The following PTPRR variants were observed in gnomAD, a reference collection of about 807,000 sequenced individuals.
PTPRR encodes receptor-type tyrosine-protein phosphatase R.
PTPRR carries 38 observed loss-of-function variants against 77.2 expected under a neutral mutation model. That is an observed-to-expected ratio of 0.49 (90% CI 0.38 to 0.65). PTPRR has a LOEUF of 0.65. PTPRR is among the 30% of genes least tolerant of loss of function. The pLI, the probability that PTPRR is intolerant of heterozygous loss-of-function variation, is 0.00. For missense variants in PTPRR, 744 were observed against 799.2 expected, an observed-to-expected ratio of 0.93 and a Z score of 0.83; for synonymous variants, 299 against 283.1, an observed-to-expected ratio of 1.06 and a Z score of -0.57.
At chr12:70,783,218 C>G (rs1214982855) in intron 2 of PTPRR, among the ~76,000 whole-genome samples, 1 of 152,130 alleles carries the variant, frequency 6.6e-6, no homozygotes, top group Non-Finnish European at 1.5e-5. Flanking sequence ...AGAGGAGACC[C>G]ACTGTTGATA....
chr12:70,785,373 T>C (rs750876895), intron 2 of PTPRR, among the ~76,000 whole-genome samples: 2 of 152,196 alleles, frequency 1.3e-5, no homozygotes, highest in African/African-American at 2.4e-5. Flanking sequence ...TCTTAATTAG[T>C]GTCCCCTTTC....
chr12:70,892,128 G>A (rs1009728307), intron 2 of PTPRR, among the ~76,000 whole-genome samples: 12 of 151,976 alleles, frequency 7.9e-5, no homozygotes, highest in African/African-American at 2.9e-4. Context: ...TATTAATAAA[G>A]AATGGTTATT....
At chr12:70,723,881 G>A (rs890300211) in intron 6 of PTPRR, among the ~76,000 whole-genome samples, 11 of 151,984 alleles carry the variant, frequency 7.2e-5, no homozygotes, top group African/African-American at 2.4e-4. Flanking sequence ...AACTTGTTAA[G>A]CACCTAAATA....
chr12:70,905,342 A>G (rs922058350), intron 1 of PTPRR, among the ~76,000 whole-genome samples: 4 of 151,844 alleles, frequency 2.6e-5, no homozygotes, highest in African/African-American at 7.2e-5. Flanking sequence ...AGTTATTGTA[A>G]AGAAAGTTGA....
chr12:70,727,793 C>A (rs1250234796), intron 6 of PTPRR, among the ~76,000 whole-genome samples: 1 of 152,200 alleles, frequency 6.6e-6, no homozygotes, highest in African/African-American at 2.4e-5. Flanking sequence ...ACTTGAACAT[C>A]ACATGATCTA....
intron 2 of PTPRR, among the ~76,000 whole-genome samples, chr12:70,843,808 ATTTTTTT>A (rs201003875): frequency 0.13 from 16,052 of 124,648 alleles, 1,684 homozygotes; most frequent in African/African-American, 0.31. Flanking sequence ...GTTGCTGAAA[ATTTTTTT>A]TTTTTTTTTT....
At chr12:70,672,649 C>A in intron 10 of PTPRR, 1 of 1,540,596 alleles carries the variant, frequency 6.5e-7, no homozygotes, top group Non-Finnish European at 8.8e-7. Context: ...GGAAGTGGTC[C>A]AGAGCAACAA....
chr12:70,644,977 C>T (rs1886143657), intron 13 of PTPRR, among the ~76,000 whole-genome samples: 1 of 152,120 alleles, frequency 6.6e-6, no homozygotes, highest in South Asian at 2.1e-4. Flanking sequence ...GCTTTTCTCA[C>T]TTGTAAAATG....
chr12:70,859,137 G>A (rs893791940), intron 2 of PTPRR, among the ~76,000 whole-genome samples: 4 of 151,868 alleles, frequency 2.6e-5, no homozygotes, highest in African/African-American at 7.3e-5. Flanking sequence ...ATTAGCCTTC[G>A]TGAATTCTTT....
chr12:70,651,201 C>T (rs976359519), intron 13 of PTPRR, among the ~76,000 whole-genome samples: 5 of 152,154 alleles, frequency 3.3e-5, no homozygotes, highest in African/African-American at 1.2e-4. Flanking sequence ...TTCAATTTCC[C>T]TTCACCAAAA....
chr12:70,857,718 G>A (rs1434790297), intron 2 of PTPRR, among the ~76,000 whole-genome samples: 1 of 152,008 alleles, frequency 6.6e-6, no homozygotes. Flanking sequence ...AATGCGATGG[G>A]GAATTTGGAA....
At chr12:70,803,095 T>A (rs1416220373) in intron 2 of PTPRR, among the ~76,000 whole-genome samples, 1 of 152,178 alleles carries the variant, frequency 6.6e-6, no homozygotes, top group African/African-American at 2.4e-5. Context: ...ATTTACCATA[T>A]CTTAGAAAAA....
intron 2 of PTPRR, among the ~76,000 whole-genome samples, chr12:70,839,491 T>C (rs746921233): frequency 9.2e-5 from 14 of 152,218 alleles, no homozygotes; most frequent in South Asian, 2.1e-4. Context: ...TGTGAAGTTA[T>C]ACAGACTATT....
At chr12:70,677,296 ATTAG>A (rs1887485219) in intron 10 of PTPRR, among the ~76,000 whole-genome samples, 1 of 152,166 alleles carries the variant, frequency 6.6e-6, no homozygotes, top group Admixed American at 6.5e-5. Context: ...AAATTTGTCT[ATTAG>A]TTCTAACAAG....
At chr12:70,732,012 C>T (rs567562094) in intron 6 of PTPRR, among the ~76,000 whole-genome samples, 12 of 152,224 alleles carry the variant, frequency 7.9e-5, no homozygotes, top group Admixed American at 2.0e-4. Context: ...TAAAAAGCTG[C>T]CTTGGGCAAT....
At chr12:70,731,032 G>GGA (rs1209294702) in intron 6 of PTPRR, among the ~76,000 whole-genome samples, 3 of 100,334 alleles carry the variant, frequency 3.0e-5, no homozygotes, top group Non-Finnish European at 4.4e-5. Context: ...GAGAGAGGAA[G>GGA]GAGAGAGAGG....
chr12:70,867,774 T>G (rs1014264544), intron 2 of PTPRR, among the ~76,000 whole-genome samples: 19 of 152,192 alleles, frequency 1.2e-4, no homozygotes, highest in African/African-American at 4.6e-4. Context: ...TCACGCTACC[T>G]GACTTCAAAC....
chr12:70,727,815 GGT>G (rs1889497595), intron 6 of PTPRR, among the ~76,000 whole-genome samples: 1 of 152,174 alleles, frequency 6.6e-6, no homozygotes, highest in Admixed American at 6.5e-5. Context: ...TTCACCCTCA[GGT>G]CTTTGATTTC....
At chr12:70,864,645 G>A (rs11615425) in intron 2 of PTPRR, among the ~76,000 whole-genome samples, 18,522 of 152,106 alleles carry the variant, frequency 0.12, 2,096 homozygotes, top group African/African-American at 0.3. Flanking sequence ...TAAAGATGAC[G>A]ATATGGTTTG....
Sources: allele counts gnomAD v4.1 joint callset (sites outside exome capture counted in the v4.1 genomes callset), GRCh38; gene constraint gnomAD v4.1.1; transcripts MANE v1.5; gene names NCBI Gene and HGNC (gene_info 2026-07-23, HGNC 2026-07-21).